The following THSD4 variants were observed in gnomAD, a reference collection of about 807,000 sequenced individuals.
The protein encoded by THSD4 is thrombospondin type 1 domain containing 4, also known as thrombospondin type-1 domain-containing protein 4.
THSD4 carries 69 observed loss-of-function variants against 119.0 expected under a neutral mutation model. That is an observed-to-expected ratio of 0.58 (90% CI 0.48 to 0.71). The LOEUF (loss-of-function observed/expected upper bound fraction) is 0.71. THSD4 is among the 30% of genes least tolerant of loss of function. The pLI is 0.00. For missense variants in THSD4, 1,393 were observed against 1,391.1 expected (o/e 1.00, Z -0.02); for synonymous variants, 524 against 540.4 (o/e 0.97, Z 0.42).
intron 7 of THSD4, among the ~76,000 whole-genome samples, chr15:71,565,749 G>T (rs1848652137): frequency 6.6e-6 from 1 of 152,108 alleles, no homozygotes; most frequent in Non-Finnish European, 1.5e-5. Flanking sequence ...CCTGGGCCCT[G>T]AATGAACCTC....
chr15:71,123,326 T>C lies in THSD4; in HGVS notation c.-80+7628T>C, dbSNP rs554644022. On this transcript the variant is annotated intron_variant, in intron 1 of 17. Coordinates refer to ENST00000261862, the MANE Select transcript of THSD4 (RefSeq NM_024817.3). ...GCAGTGCCATGCACTGTAAAGTGTGTGAATTCCAGACCTGACTCTGCATGT... is the reference window on the plus strand; with the variant it reads ...GCAGTGCCATGCACTGTAAAGTGTGCGAATTCCAGACCTGACTCTGCATGT... 2.6e-5 allele frequency among the ~76,000 whole-genome samples: 4 copies of C among 152,354 alleles called. No homozygotes were observed. In the East Asian group the frequency reaches 7.7e-4, roughly 29 times the overall value.
chr15:71,564,040 G>A (rs2049177219), intron 7 of THSD4, among the ~76,000 whole-genome samples: 3 of 152,116 alleles, frequency 2.0e-5, no homozygotes, highest in Admixed American at 6.5e-5. Flanking sequence ...AAACTAAATA[G>A]TTTTTTGCAG....
chr15:71,274,702 C>A (rs547841935), intron 6 of THSD4, among the ~76,000 whole-genome samples: 1 of 152,256 alleles, frequency 6.6e-6, no homozygotes, highest in African/African-American at 2.4e-5. Flanking sequence ...TTATTACCTA[C>A]CTCTGTAAGT....
intron 14 of THSD4, among the ~76,000 whole-genome samples, chr15:71,750,748 A>T (rs1274137393): frequency 1.3e-5 from 2 of 152,240 alleles, no homozygotes; most frequent in Non-Finnish European, 2.9e-5. Flanking sequence ...ACAGATGGAG[A>T]GTAAGTGCTG....
At chr15:71,727,165 C>T (rs8041918) in intron 8 of THSD4, among the ~76,000 whole-genome samples, 111,559 of 151,818 alleles carry the variant, frequency 0.73, 41,797 homozygotes, top group East Asian at 0.88. Context: ...AACAAGTTCC[C>T]TCCCATCTCT....
At chr15:71,136,612 T>A (rs1264474451) in intron 1 of THSD4, among the ~76,000 whole-genome samples, 3 of 151,946 alleles carry the variant, frequency 2.0e-5, no homozygotes, top group Non-Finnish European at 4.4e-5. Context: ...GATGAGTGCT[T>A]TTGTTTGGGT....
chr15:71,373,005 C>G (rs1457926812), intron 6 of THSD4, among the ~76,000 whole-genome samples: 4 of 152,200 alleles, frequency 2.6e-5, no homozygotes, highest in Admixed American at 6.5e-5. Flanking sequence ...GCTAGGCCCT[C>G]TTTCTTGTTA....
At chr15:71,136,736 G>A (rs1312449385) in intron 1 of THSD4, among the ~76,000 whole-genome samples, 2 of 152,074 alleles carry the variant, frequency 1.3e-5, no homozygotes, top group Non-Finnish European at 2.9e-5. Context: ...TTGAGAGACT[G>A]AGCAGATCCT....
chr15:71,339,598 C>T (rs1262781903), intron 6 of THSD4, among the ~76,000 whole-genome samples: 1 of 152,050 alleles, frequency 6.6e-6, no homozygotes, highest in Non-Finnish European at 1.5e-5. Context: ...CCCAGCACTA[C>T]CTAGTATGGT....
At chr15:71,575,392 A>G (rs2049431006) in intron 7 of THSD4, among the ~76,000 whole-genome samples, 1 of 152,202 alleles carries the variant, frequency 6.6e-6, no homozygotes, top group African/African-American at 2.4e-5. Context: ...TGTTTTAGTG[A>G]TGAGCAAAAA....
chr15:71,484,872 C>G (rs985060247), intron 7 of THSD4, among the ~76,000 whole-genome samples: 2 of 152,130 alleles, frequency 1.3e-5, no homozygotes, highest in African/African-American at 4.8e-5. Context: ...GGACTTCTGA[C>G]CTAATAAAAA....
intron 7 of THSD4, among the ~76,000 whole-genome samples, chr15:71,505,594 A>C (rs537387124): frequency 3.9e-5 from 6 of 152,390 alleles, no homozygotes; most frequent in African/African-American, 1.4e-4. Context: ...TTAAAAATCA[A>C]GTTTCCAACT....
chr15:71,477,880 A>G (rs1051942437), intron 7 of THSD4, among the ~76,000 whole-genome samples: 1 of 152,210 alleles, frequency 6.6e-6, no homozygotes, highest in African/African-American at 2.4e-5. Context: ...AAAAATCATA[A>G]CAAACTATCT....
intron 3 of THSD4, among the ~76,000 whole-genome samples, chr15:71,172,700 TA>T (rs1456908481): frequency 2.0e-5 from 2 of 98,760 alleles, no homozygotes; most frequent in African/African-American, 1.1e-4. Flanking sequence ...TATATATATA[TA>T]TATATATATA....
chr15:71,746,591 T>G (rs557528156), intron 12 of THSD4, among the ~76,000 whole-genome samples: 1 of 152,152 alleles, frequency 6.6e-6, no homozygotes, highest in South Asian at 2.1e-4. Flanking sequence ...GACGGGGTTT[T>G]GCCATGTTGC....
intron 6 of THSD4, among the ~76,000 whole-genome samples, chr15:71,296,697 T>C (rs1016998338): frequency 2.0e-5 from 3 of 152,240 alleles, no homozygotes; most frequent in Non-Finnish European, 4.4e-5. Flanking sequence ...TTATGTGTTA[T>C]CACATTGTAA....
At chr15:71,262,420 C>T (rs990504950) in intron 6 of THSD4, among the ~76,000 whole-genome samples, 22 of 152,128 alleles carry the variant, frequency 1.4e-4, no homozygotes, top group Admixed American at 1.1e-3. Context: ...GTCCATTACA[C>T]CGAGCATGGG....
At chr15:71,437,497 GAC>G (rs1473773547) in intron 7 of THSD4, among the ~76,000 whole-genome samples, 3 of 152,190 alleles carry the variant, frequency 2.0e-5, no homozygotes, top group Non-Finnish European at 2.9e-5. Context: ...GGCAGGTGTG[GAC>G]TTTAGGAAGA....
chr15:71,366,897 T>A (rs1407334936), intron 6 of THSD4, among the ~76,000 whole-genome samples: 2 of 152,158 alleles, frequency 1.3e-5, no homozygotes, highest in Non-Finnish European at 2.9e-5. Context: ...TGAAGCGCCC[T>A]TCTCATACTG....
Sources: gnomAD v4.1 joint callset for allele counts (sites outside exome capture counted in the v4.1 genomes callset) on GRCh38, gnomAD v4.1.1 for gene constraint, MANE v1.5 for transcripts, NCBI Gene and HGNC (gene_info 2026-07-23, HGNC 2026-07-21) for gene names.